The following PTPRN2 variants were observed in gnomAD, a reference collection of about 807,000 sequenced individuals.
The protein encoded by PTPRN2 is receptor-type tyrosine-protein phosphatase N2.
A neutral mutation model predicts 118.8 loss-of-function variants in PTPRN2; 74 were observed. The observed-to-expected ratio is 0.62, with a 90% confidence interval of 0.52 to 0.76. The LOEUF is 0.76. Ranked by LOEUF, PTPRN2 falls within the 30% of genes least tolerant of loss-of-function variation. PTPRN2 has a pLI of 0.00. For synonymous variants in PTPRN2, 641 were observed against 608.0 expected (o/e 1.05, Z -0.80); for missense variants, 1,481 against 1,394.4 (o/e 1.06, Z -0.99).
intron 4 of PTPRN2, among the ~76,000 whole-genome samples, chr7:158,200,651 A>T (rs747289918): frequency 6.6e-6 from 1 of 152,212 alleles, no homozygotes; most frequent in Non-Finnish European, 1.5e-5. Context: ...GTATGGTATC[A>T]ATTAGGCCAA....
chr7:158,380,671 T>C (rs557844818), intron 2 of PTPRN2, among the ~76,000 whole-genome samples: 1 of 152,356 alleles, frequency 6.6e-6, no homozygotes, highest in South Asian at 2.1e-4. Context: ...CGTGGCCCTC[T>C]TCTCACAGCT....
In PTPRN2 at chr7:158,059,174, G is replaced by A. The variant is rs1248153619; in HGVS notation, c.1723+22124C>T. On this transcript the variant is annotated intron_variant, in intron 11 of 22. Transcript: ENST00000389418. ...CTGCAGCCACACTCCATCTGCACACGGTGACACATCACTGCAGCCACACTC... is the reference window on the plus strand; with the variant it reads ...CTGCAGCCACACTCCATCTGCACACAGTGACACATCACTGCAGCCACACTC... Among the ~76,000 whole-genome samples, 257 of 61,886 alleles carry A rather than the reference G, an allele frequency of 4.2e-3. 1 individual carries two copies. Among genetic ancestry groups the A allele is most frequent in the African/African-American group, 5.0e-3 (57 of 11,452 alleles). The allele number at this position is 61,886 out of a possible 152,430, so 40.6% of individuals were successfully genotyped here.
intron 12 of PTPRN2, among the ~76,000 whole-genome samples, chr7:157,745,225 G>T (rs1206282342): frequency 6.6e-6 from 1 of 152,206 alleles, no homozygotes; most frequent in Non-Finnish European, 1.5e-5. Flanking sequence ...AGACCCTAGA[G>T]CTCCTGGGGC....
intron 6 of PTPRN2, among the ~76,000 whole-genome samples, chr7:158,162,455 T>G (rs969266884): frequency 6.6e-6 from 1 of 152,102 alleles, no homozygotes; most frequent in Non-Finnish European, 1.5e-5. Flanking sequence ...CATCGAGCCA[T>G]GAAAAGATGG....
intron 12 of PTPRN2, among the ~76,000 whole-genome samples, chr7:157,803,677 A>G (rs1247305223): frequency 6.6e-6 from 1 of 152,176 alleles, no homozygotes; most frequent in Non-Finnish European, 1.5e-5. Flanking sequence ...GCACCTGTGA[A>G]GAGGCGACCC....
intron 21 of PTPRN2, among the ~76,000 whole-genome samples, chr7:157,556,636 C>A (rs1798902484): frequency 6.6e-6 from 1 of 151,480 alleles, no homozygotes. Flanking sequence ...TGCACATGCA[C>A]ACACACACAT....
In PTPRN2 at chr7:158,574,682, CTTCT is replaced by C. The variant is rs980024516; in HGVS notation, c.112+12872_112+12875del. Among the ~76,000 whole-genome samples, 2 of 152,222 alleles carry C rather than the reference CTTCT, an allele frequency of 1.3e-5. No homozygotes were observed. The highest frequency in any genetic ancestry group is 4.8e-5 in the African/African-American group (2 of 41,460). On this transcript the variant is annotated intron_variant, in intron 1 of 22. Transcript: ENST00000389418. This position sits in a 1 kb window ranked among gnomAD's most constrained non-coding sequence, Gnocchi z 4.6. ...GAAGGTGGCATGGAAGGGGCCAATA[CTTCT>C]TTCTTTCTTTTAAAGTTTGTTCTGC...
chr7:158,155,634 TCAC>T (rs1821716525), intron 6 of PTPRN2, among the ~76,000 whole-genome samples: 3 of 149,484 alleles, frequency 2.0e-5, no homozygotes, highest in Non-Finnish European at 4.5e-5. Flanking sequence ...ATCACCATCA[TCAC>T]CACCGTCATC....
At chr7:158,407,172 CGTCCTGCGTCCTGGGTCCTGG>C (rs1813552224) in intron 2 of PTPRN2, among the ~76,000 whole-genome samples, 3 of 45,220 alleles carry the variant, frequency 6.6e-5, no homozygotes, top group East Asian at 1.2e-3. Context: ...CTGGGTCCTG[CGTCCTGCGTCCTGGGTCCTGG>C]GTCCTGGGTC....
chr7:157,782,621 T>C (rs1803749633), intron 12 of PTPRN2, among the ~76,000 whole-genome samples: 1 of 152,162 alleles, frequency 6.6e-6, no homozygotes, highest in South Asian at 2.1e-4. Context: ...ATGTATAATA[T>C]ACCAACTGCC....
chr7:157,843,496 G>T (rs1174635394), intron 12 of PTPRN2, among the ~76,000 whole-genome samples: 3 of 152,194 alleles, frequency 2.0e-5, no homozygotes, highest in Non-Finnish European at 2.9e-5. Context: ...GCAAAGGACT[G>T]TGCCTCTGAG....
intron 11 of PTPRN2, among the ~76,000 whole-genome samples, chr7:158,042,936 C>T (rs1303309050): frequency 6.6e-6 from 1 of 152,142 alleles, no homozygotes; most frequent in Non-Finnish European, 1.5e-5. Flanking sequence ...TTATAAATTC[C>T]ATATTTCAAT....
chr7:158,473,142 A>G (rs2129444388), intron 2 of PTPRN2, among the ~76,000 whole-genome samples: 1 of 152,290 alleles, frequency 6.6e-6, no homozygotes, highest in East Asian at 1.9e-4. Context: ...TTATCCCTCC[A>G]AACTCCTGGT....
intron 3 of PTPRN2, among the ~76,000 whole-genome samples, chr7:158,308,352 G>A (rs888187140): frequency 2.6e-5 from 4 of 152,146 alleles, no homozygotes; most frequent in Non-Finnish European, 5.9e-5. Flanking sequence ...TCTAAATGGA[G>A]TACTTTAGGC....
chr7:157,784,503 A>ACCTCAG lies in PTPRN2; in HGVS notation c.1789-101572_1789-101567dup, dbSNP rs1198759355. On this transcript the variant is annotated intron_variant, in intron 12 of 22. Transcript: ENST00000389418. This position sits in a 1 kb window ranked among gnomAD's most constrained non-coding sequence, Gnocchi z 4.6. ...GGAACCTTCCTGCCCTGCAGGAACC[A>ACCTCAG]CCTCAGCCTCAGCCTCAGCGCTGGA... 3.9e-5 allele frequency among the ~76,000 whole-genome samples: 6 copies of ACCTCAG among 152,102 alleles called. No individual in the cohort carries two copies. In the South Asian group the frequency reaches 6.2e-4, roughly 16 times the overall value.
intron 1 of PTPRN2, among the ~76,000 whole-genome samples, chr7:158,543,435 C>T (rs1435807615): frequency 2.6e-5 from 4 of 152,222 alleles, no homozygotes; most frequent in Non-Finnish European, 5.9e-5. Flanking sequence ...GCCTGTCTGC[C>T]ACACACGTAG....
chr7:158,350,736 C>T (rs544672548), intron 2 of PTPRN2, among the ~76,000 whole-genome samples: 15 of 152,114 alleles, frequency 9.9e-5, no homozygotes, highest in Admixed American at 3.3e-4. Context: ...CGCTCATCAC[C>T]GGCCAGGCCA....
In PTPRN2 at chr7:158,478,841, A is replaced by G. The variant is rs532879530; in HGVS notation, c.163+10894T>C. ...ATTCTCAATGACAAGGAGCTCCTAC[A>G]CAGTCCAAGAAAAAGACAAAACTCA... On this transcript the variant is annotated intron_variant, in intron 2 of 22. Coordinates refer to ENST00000389418, the MANE Select transcript of PTPRN2 (RefSeq NM_002847.5). Among the ~76,000 whole-genome samples, 3 of 152,338 alleles carry G rather than the reference A, an allele frequency of 2.0e-5. No homozygotes were observed. The South Asian group carries it at 6.2e-4, about 32-fold the overall frequency.
chr7:158,528,135 A>C (rs1462881880), intron 1 of PTPRN2, among the ~76,000 whole-genome samples: 3 of 152,198 alleles, frequency 2.0e-5, no homozygotes, highest in Non-Finnish European at 4.4e-5. Flanking sequence ...GCTGCTAGCA[A>C]CTGGCTGTGT....
Sources: allele counts gnomAD v4.1 joint callset (sites outside exome capture counted in the v4.1 genomes callset), GRCh38; gene constraint gnomAD v4.1.1; non-coding constraint Gnocchi (gnomAD v3.1); transcripts MANE v1.5; gene names NCBI Gene and HGNC (gene_info 2026-07-23, HGNC 2026-07-21).